The following KLF9 variants were observed in gnomAD, a reference collection of about 807,000 sequenced individuals.
KLF9 encodes the protein Krueppel-like factor 9.
A neutral mutation model predicts 17.3 loss-of-function variants in KLF9; 2 were observed. The observed-to-expected ratio is 0.12, with a 90% CI of 0.05 to 0.36. The LOEUF is 0.36. KLF9 is among the 10% of genes least tolerant of loss of function. The probability of loss-of-function intolerance (pLI) is 1.00; values close to 1 mark genes in which losing one functional copy is unlikely to be tolerated. For missense variants in KLF9, 226 were observed against 333.2 expected, an observed-to-expected ratio of 0.68 and a Z score of 2.51; for synonymous variants, 138 against 139.2, an observed-to-expected ratio of 0.99 and a Z score of 0.06.
intron 1 of KLF9, among the ~76,000 whole-genome samples, chr9:70,389,207 A>G (rs1029921456): frequency 2.0e-5 from 3 of 152,072 alleles, no homozygotes; most frequent in African/African-American, 7.2e-5. Context: ...ATATCTGCAG[A>G]CAGATATGTC....
Position 70,390,005 on chromosome 9 carries a change from T to C in KLF9, c.506-2000A>G, listed in dbSNP as rs1333416521. On this transcript the variant is annotated intron_variant, in intron 1 of 1. Transcript: ENST00000377126. ...GCTGGGAGCTGTCCAGCGTGGTGCA[T>C]TTGAGTCATCCAAAATTATTCATTC... Among the ~76,000 whole-genome samples, 3 of 152,204 alleles carry C rather than the reference T, an allele frequency of 2.0e-5. No individual in the cohort carries two copies. In the East Asian group the frequency reaches 5.8e-4, roughly 29 times the overall value.
At chr9:70,393,893 T>C (rs1000048041) in intron 1 of KLF9, among the ~76,000 whole-genome samples, 2 of 151,994 alleles carry the variant, frequency 1.3e-5, no homozygotes, top group Non-Finnish European at 2.9e-5. Flanking sequence ...GTAGTGGTGC[T>C]TGCCTGTGGT....
intron 1 of KLF9, among the ~76,000 whole-genome samples, chr9:70,402,446 C>T (rs906872399): frequency 6.6e-6 from 1 of 152,192 alleles, no homozygotes; most frequent in Non-Finnish European, 1.5e-5. Flanking sequence ...ATAGACTAGG[C>T]TTTTACCTAT....
intron 1 of KLF9, 62 bp from the exon 2 acceptor site, chr9:70,388,067 G>T: frequency 1.5e-6 from 2 of 1,343,038 alleles, no homozygotes; most frequent in Non-Finnish European, 1.0e-6. Context: ...CCGAAGGGCG[G>T]TCATGGTCAA....
intron 1 of KLF9, among the ~76,000 whole-genome samples, chr9:70,412,532 G>GT (rs2037329148): frequency 6.6e-6 from 1 of 152,124 alleles, no homozygotes; most frequent in Non-Finnish European, 1.5e-5. Context: ...CCCAGGTGGG[G>GT]TGGCCCCACC....
At chr9:70,392,436 A>G (rs1229956372) in intron 1 of KLF9, among the ~76,000 whole-genome samples, 1 of 152,162 alleles carries the variant, frequency 6.6e-6, no homozygotes, top group Non-Finnish European at 1.5e-5. Flanking sequence ...TTAGGGACCT[A>G]CAATTTGTAG....
At chr9:70,398,558 G>A (rs1436653303) in intron 1 of KLF9, among the ~76,000 whole-genome samples, 1 of 150,244 alleles carries the variant, frequency 6.7e-6, no homozygotes, top group Non-Finnish European at 1.5e-5. Context: ...GCACGATCTC[G>A]GCTCACTGCA....
chr9:70,405,191 T>C (rs2037248130), intron 1 of KLF9, among the ~76,000 whole-genome samples: 1 of 152,230 alleles, frequency 6.6e-6, no homozygotes, highest in Admixed American at 6.5e-5. Flanking sequence ...ACTTTTGTGT[T>C]TTTGACCATT....
chr9:70,409,038 G>GTATATATATGTGTA (rs2037279508), intron 1 of KLF9, among the ~76,000 whole-genome samples: 1 of 119,518 alleles, frequency 8.4e-6, no homozygotes, highest in African/African-American at 3.1e-5. Flanking sequence ...ATATATATGT[G>GTATATATATGTGTA]TATATATATA....
In KLF9 at chr9:70,385,421, C is replaced by CT. The variant is rs1056465229; in HGVS notation, c.*2354dup. 1 of 152,558 alleles carries CT rather than the reference C, an allele frequency of 6.6e-6. No individual in the cohort carries two copies. Among genetic ancestry groups the CT allele is most frequent in the African/African-American group, 2.4e-5 (1 of 41,428 alleles). 9.5% of individuals were successfully genotyped at this position (152,558 alleles called of 1,614,324 possible). Reference sequence around the variant, plus strand: ...AACAACTTGAAAAGGCAAGTAACAACTTTTTTGGGAAGTAAATTGTGCATT... The same window carrying CT: ...AACAACTTGAAAAGGCAAGTAACAACTTTTTTTGGGAAGTAAATTGTGCATT... On this transcript the variant is annotated 3_prime_UTR_variant, in exon 2 of 2. Coordinates refer to ENST00000377126, the MANE Select transcript of KLF9 (RefSeq NM_001206.4).
chr9:70,395,623 C>G (rs2037178044), intron 1 of KLF9, among the ~76,000 whole-genome samples: 1 of 152,076 alleles, frequency 6.6e-6, no homozygotes, highest in African/African-American at 2.4e-5. Flanking sequence ...TAAAAGTGGG[C>G]AAGGATGCAA....
At chr9:70,396,613 A>AC (rs1196830786) in intron 1 of KLF9, among the ~76,000 whole-genome samples, 1 of 151,928 alleles carries the variant, frequency 6.6e-6, no homozygotes, top group East Asian at 1.9e-4. Flanking sequence ...ACACAGTAAG[A>AC]CCCCATCTCT....
At chr9:70,397,168 AAGTC>A (rs1474976498) in intron 1 of KLF9, among the ~76,000 whole-genome samples, 1 of 152,144 alleles carries the variant, frequency 6.6e-6, no homozygotes, top group Non-Finnish European at 1.5e-5. Context: ...AATTGTCAGA[AAGTC>A]AGAAACTTCC....
chr9:70,409,191 C>CACATAT (rs1554708184), intron 1 of KLF9, among the ~76,000 whole-genome samples: 1 of 51,510 alleles, frequency 1.9e-5, no homozygotes, highest in Non-Finnish European at 5.3e-5. Flanking sequence ...TATACATATA[C>CACATAT]ATGTATATGT....
rs1457501581 is a variant in KLF9, at chr9:70,387,404, C to G, written c.*372G>C. On this transcript the variant is annotated 3_prime_UTR_variant, in exon 2 of 2. Transcript: ENST00000377126. ...CCAGTGTTGAATCTTTAAAATTCTA[C>G]CCCAGTCTTGGCCTTACCCCCCTCC... is the stretch of plus-strand genomic sequence containing the variant. The G allele has an allele frequency of 7.8e-6, 2 of 257,654 alleles. No homozygotes were observed. The highest frequency in any genetic ancestry group is 4.4e-5 in the African/African-American group (2 of 45,226). 16.0% of individuals were successfully genotyped at this position (257,654 alleles called of 1,614,324 possible).
At chr9:70,397,850 T>A (rs1253005794) in intron 1 of KLF9, among the ~76,000 whole-genome samples, 1 of 152,190 alleles carries the variant, frequency 6.6e-6, no homozygotes, top group African/African-American at 2.4e-5. Flanking sequence ...CAAAAAGCAA[T>A]GTCAACATGC....
intron 1 of KLF9, among the ~76,000 whole-genome samples, chr9:70,412,246 C>G (rs1297329624): frequency 7.2e-6 from 1 of 139,350 alleles, no homozygotes; most frequent in East Asian, 2.2e-4. Context: ...ATCAGGAGGA[C>G]TCATGAGTGA....
intron 1 of KLF9, among the ~76,000 whole-genome samples, chr9:70,405,045 T>A (rs1467829603): frequency 2.0e-5 from 3 of 152,260 alleles, no homozygotes; most frequent in Non-Finnish European, 2.9e-5. Flanking sequence ...TCTTCATTTC[T>A]AACTGCCTGT....
intron 1 of KLF9, among the ~76,000 whole-genome samples, chr9:70,404,776 A>C (rs946861872): frequency 6.6e-6 from 1 of 152,194 alleles, no homozygotes; most frequent in Non-Finnish European, 1.5e-5. Flanking sequence ...CATCTGAATT[A>C]AGCTTCATAA....
Sources: gnomAD v4.1 joint callset for allele counts (sites outside exome capture counted in the v4.1 genomes callset) on GRCh38, gnomAD v4.1.1 for gene constraint, MANE v1.5 for transcripts, NCBI Gene and HGNC (gene_info 2026-07-23, HGNC 2026-07-21) for gene names.